ADAMTS19: variants seen among roughly 807,000 people sequenced by gnomAD.
ADAMTS19 encodes A disintegrin and metalloproteinase with thrombospondin motifs 19.
A neutral mutation model predicts 153.3 loss-of-function variants in ADAMTS19; 93 were observed. The observed-to-expected ratio is 0.61, with a 90% CI of 0.51 to 0.72. The LOEUF (loss-of-function observed/expected upper bound fraction) is 0.72. Among genes scored for constraint, ADAMTS19 ranks in the 30% least tolerant of loss-of-function variants. ADAMTS19 has a pLI of 0.00. For missense variants in ADAMTS19, 1,482 were observed against 1,552.1 expected, an observed-to-expected ratio of 0.95 and a Z score of 0.76; for synonymous variants, 600 against 556.6, an observed-to-expected ratio of 1.08 and a Z score of -1.10.
At chr5:129,486,434 A>G (rs976192065) in intron 2 of ADAMTS19, among the ~76,000 whole-genome samples, 7 of 152,198 alleles carry the variant, frequency 4.6e-5, no homozygotes, top group Non-Finnish European at 1.0e-4. Context: ...GTTTAATACT[A>G]AAAACATCTG....
In ADAMTS19 at chr5:129,684,308, A is replaced by T. The variant is rs901527521; in HGVS notation, c.2818+35A>T. On this transcript the variant is annotated intron_variant, in intron 18 of 22. Coordinates refer to ENST00000274487, the MANE Select transcript of ADAMTS19 (RefSeq NM_133638.6). ...TTTTAAACATTTATCTTTCCAAAAC[A>T]TCAGTTGTTTTCTGATTAAGCATTG... 1.9e-6 allele frequency: 3 copies of T among 1,607,968 alleles called. No individual in the cohort carries two copies. In the African/African-American group the frequency reaches 4.0e-5, roughly 22 times the overall value.
At chr5:129,630,823 T>C (rs576932381) in intron 10 of ADAMTS19, among the ~76,000 whole-genome samples, 1 of 152,150 alleles carries the variant, frequency 6.6e-6, no homozygotes, top group South Asian at 2.1e-4. Flanking sequence ...ATATTTATAA[T>C]AGGCATATCT....
Position 129,701,546 on chromosome 5 carries a change from AG to A in ADAMTS19, c.3116del (p.Gly1039AlafsTer5). On this transcript the variant is annotated frameshift_variant, in exon 20 of 23. Coordinates refer to ENST00000274487, the MANE Select transcript of ADAMTS19 (RefSeq NM_133638.6). LOFTEE classifies it high-confidence loss of function. ...GPKPASAQRCEGQDCMTVWEA... is the reference protein window; with the variant it reads ...GPKPASAQRCXGQDCMTVWEA... ...AAGCCCGCCTCTGCCCAGCGCTGTG[AG>A]GGCCAGGACTGCATGACCGTGTGGG... 1 of 1,614,200 alleles carries A rather than the reference AG, an allele frequency of 6.2e-7. No homozygotes were observed. The highest frequency in any genetic ancestry group is 8.5e-7 in the Non-Finnish European group (1 of 1,180,022).
At chr5:129,637,497 G>A (rs1281836033) in intron 10 of ADAMTS19, among the ~76,000 whole-genome samples, 1 of 152,128 alleles carries the variant, frequency 6.6e-6, no homozygotes, top group Non-Finnish European at 1.5e-5. Flanking sequence ...AAGTTGTGCA[G>A]GGACATGGAT....
rs1757754289 is a variant in ADAMTS19, at chr5:129,738,205, T to G, written c.*987T>G. 1 of 152,090 alleles carries G rather than the reference T, an allele frequency of 6.6e-6. No homozygotes were observed. The highest frequency in any genetic ancestry group is 1.5e-5 in the Non-Finnish European group (1 of 67,982). The allele number at this position is 152,090 out of a possible 1,614,324, so 9.4% of individuals were successfully genotyped here. On this transcript the variant is annotated 3_prime_UTR_variant, in exon 23 of 23. Coordinates refer to ENST00000274487, the MANE Select transcript of ADAMTS19 (RefSeq NM_133638.6). ...TCGTTTCATTGTGTTTTTCTTCCTT[T>G]TAAAAATTAAAAAGTTTTACAATTA...
intron 2 of ADAMTS19, among the ~76,000 whole-genome samples, chr5:129,469,528 C>A (rs569302056): frequency 6.6e-6 from 1 of 152,222 alleles, no homozygotes; most frequent in South Asian, 2.1e-4. Flanking sequence ...TTTAGCAATT[C>A]TGCTTATAGT....
chr5:129,646,572 CTAT>C (rs1301034552), intron 11 of ADAMTS19, among the ~76,000 whole-genome samples: 5 of 152,006 alleles, frequency 3.3e-5, no homozygotes, highest in African/African-American at 7.3e-5. Flanking sequence ...ACTTATAACT[CTAT>C]TATTATTACA....
chr5:129,479,435 C>G (rs1033933394), intron 2 of ADAMTS19, among the ~76,000 whole-genome samples: 1 of 151,998 alleles, frequency 6.6e-6, no homozygotes, highest in African/African-American at 2.4e-5. Flanking sequence ...AAAAAATAAT[C>G]CTGGCGCAGT....
intron 8 of ADAMTS19, among the ~76,000 whole-genome samples, chr5:129,603,873 T>G (rs2126936092): frequency 6.6e-6 from 1 of 152,344 alleles, no homozygotes; most frequent in East Asian, 1.9e-4. Flanking sequence ...CCCATGTTAT[T>G]AATTACAGTG....
At chr5:129,587,025 A>C (rs566469605) in intron 7 of ADAMTS19, among the ~76,000 whole-genome samples, 1 of 151,424 alleles carries the variant, frequency 6.6e-6, no homozygotes, top group East Asian at 1.9e-4. Context: ...ACATTTTCTA[A>C]TTATTTTCTT....
rs533211295 is a variant in ADAMTS19 at position 129,542,279 on chromosome 5, ACATG to A, written c.1329-9584_1329-9581del. ...ATTATCTCTTTTCCATCCTCTGAAA[ACATG>A]GGTTTCAATGTGGGGGGATAATCCT... On this transcript the variant is annotated intron_variant, in intron 6 of 22. Transcript: ENST00000274487. Among the ~76,000 whole-genome samples the A allele has an allele frequency of 6.6e-4, 100 of 152,272 alleles. No individual in the cohort carries two copies. The South Asian group carries it at 9.7e-3, about 15-fold the overall frequency.
intron 3 of ADAMTS19, among the ~76,000 whole-genome samples, chr5:129,510,839 G>A (rs1250450787): frequency 1.4e-5 from 2 of 146,678 alleles, no homozygotes; most frequent in African/African-American, 5.1e-5. Context: ...GGCAAATGTT[G>A]TGCATAAAGT....
intron 16 of ADAMTS19, among the ~76,000 whole-genome samples, chr5:129,674,151 A>C (rs1178839713): frequency 2.0e-5 from 3 of 152,056 alleles, no homozygotes; most frequent in Non-Finnish European, 4.4e-5. Flanking sequence ...GAATCACTTG[A>C]ACCCGGGAGG....
chr5:129,727,924 G>T (rs562459444), intron 21 of ADAMTS19, among the ~76,000 whole-genome samples: 9 of 152,192 alleles, frequency 5.9e-5, no homozygotes, highest in African/African-American at 1.9e-4. Context: ...ATTCCCAGGA[G>T]GTTAAGGCAT....
intron 3 of ADAMTS19, among the ~76,000 whole-genome samples, chr5:129,523,993 C>T (rs927482480): frequency 2.0e-5 from 3 of 151,974 alleles, no homozygotes; most frequent in African/African-American, 4.8e-5. Flanking sequence ...AAAAATAGCT[C>T]GTATAGCCAA....
intron 15 of ADAMTS19, among the ~76,000 whole-genome samples, chr5:129,663,162 G>A (rs1753891166): frequency 6.6e-6 from 1 of 152,022 alleles, no homozygotes; most frequent in African/African-American, 2.4e-5. Flanking sequence ...CAAAAGTGCT[G>A]GGATTATAGG....
At chr5:129,720,832 G>T (rs561243665) in intron 21 of ADAMTS19, among the ~76,000 whole-genome samples, 33 of 152,332 alleles carry the variant, frequency 2.2e-4, no homozygotes, top group African/African-American at 7.9e-4. Context: ...TGCCTACGTT[G>T]CTTCTTGGAC....
At chr5:129,653,177 C>T (rs893224327) in intron 13 of ADAMTS19, among the ~76,000 whole-genome samples, 1 of 152,162 alleles carries the variant, frequency 6.6e-6, no homozygotes, top group Non-Finnish European at 1.5e-5. Context: ...CATCAGCATA[C>T]GTGGAACTTT....
intron 2 of ADAMTS19, among the ~76,000 whole-genome samples, chr5:129,493,506 T>C: frequency 6.6e-6 from 1 of 151,896 alleles, no homozygotes; most frequent in East Asian, 1.9e-4. Flanking sequence ...CTAAGATGCT[T>C]TGTAATTTTT....
Sources: allele counts gnomAD v4.1 joint callset (sites outside exome capture counted in the v4.1 genomes callset), GRCh38; gene constraint gnomAD v4.1.1; transcripts MANE v1.5; gene names NCBI Gene and HGNC (gene_info 2026-07-23, HGNC 2026-07-21).